FBXL4: variants seen among roughly 807,000 people sequenced by gnomAD.
FBXL4 encodes F-box and leucine rich repeat protein 4, also known as F-box/LRR-repeat protein 4.
A neutral mutation model predicts 58.9 loss-of-function variants in FBXL4; 40 were observed. The ratio of observed to expected loss-of-function variants is 0.68; its 90% CI spans 0.53 to 0.88. The LOEUF is 0.88. Ranked by LOEUF, FBXL4 falls within the 40% of genes least tolerant of loss-of-function variation. The pLI, the probability that FBXL4 is intolerant of heterozygous loss-of-function variation, is 0.00. For missense variants in FBXL4, 676 were observed against 734.4 expected (o/e 0.92, Z 0.92); for synonymous variants, 263 against 265.5 (o/e 0.99, Z 0.09).
intron 2 of FBXL4, among the ~76,000 whole-genome samples, chr6:98,928,645 T>C (rs1448397943): frequency 2.6e-5 from 4 of 152,154 alleles, no homozygotes; most frequent in Non-Finnish European, 5.9e-5. Flanking sequence ...TTTTCTTTAA[T>C]AGAGCAATGC....
intron 5 of FBXL4, among the ~76,000 whole-genome samples, chr6:98,913,790 G>A (rs1438969261): frequency 6.6e-6 from 1 of 152,112 alleles, no homozygotes; most frequent in Non-Finnish European, 1.5e-5. Context: ...TCAAAAGATA[G>A]CAGAAGGCAA....
intron 5 of FBXL4, among the ~76,000 whole-genome samples, chr6:98,913,523 G>A (rs1298770505): frequency 7.2e-5 from 11 of 152,098 alleles, no homozygotes; most frequent in East Asian, 1.9e-4. Context: ...ACTCAAAACC[G>A]CTCAACTACA....
intron 1 of FBXL4, among the ~76,000 whole-genome samples, chr6:98,935,987 T>C (rs1461965885): frequency 6.6e-6 from 1 of 152,194 alleles, no homozygotes; most frequent in African/African-American, 2.4e-5. Context: ...ATACTAATTA[T>C]GTGAATTTAC....
At chr6:98,911,964 T>A (rs1772095718) in intron 5 of FBXL4, among the ~76,000 whole-genome samples, 1 of 151,848 alleles carries the variant, frequency 6.6e-6, no homozygotes. Context: ...GAATAACCAA[T>A]ACAGAGAAGT....
chr6:98,944,960 C>A (rs1773567322), intron 1 of FBXL4, among the ~76,000 whole-genome samples: 1 of 152,114 alleles, frequency 6.6e-6, no homozygotes. Context: ...TATTTTCTGC[C>A]AGTTTCCATG....
At chr6:98,910,964 C>T (rs1186112528) in intron 5 of FBXL4, among the ~76,000 whole-genome samples, 1 of 152,166 alleles carries the variant, frequency 6.6e-6, no homozygotes, top group Non-Finnish European at 1.5e-5. Flanking sequence ...AAAATCGGGC[C>T]ACTCCCACCC....
At chr6:98,939,070 T>A (rs1773330564) in intron 1 of FBXL4, among the ~76,000 whole-genome samples, 1 of 107,300 alleles carries the variant, frequency 9.3e-6, no homozygotes, top group Non-Finnish European at 1.7e-5. Flanking sequence ...AGCAAGACCT[T>A]GTCTCAAAAA....
chr6:98,875,959 G>A (rs1307019469), intron 8 of FBXL4, among the ~76,000 whole-genome samples: 1 of 152,184 alleles, frequency 6.6e-6, no homozygotes, highest in East Asian at 1.9e-4. Flanking sequence ...GACAGAAGAT[G>A]TTAATGAATT....
intron 5 of FBXL4, among the ~76,000 whole-genome samples, chr6:98,909,594 T>C (rs1341431215): frequency 6.6e-6 from 1 of 152,192 alleles, no homozygotes; most frequent in African/African-American, 2.4e-5. Flanking sequence ...TGAAATTATA[T>C]TTCTATTTTA....
chr6:98,895,599 G>C (rs1027847105), intron 7 of FBXL4, among the ~76,000 whole-genome samples: 2 of 152,134 alleles, frequency 1.3e-5, no homozygotes, highest in African/African-American at 4.8e-5. Context: ...TGTGCCAGCA[G>C]GCAATTTATT....
At chr6:98,876,337 AT>A (rs1348781656) in intron 8 of FBXL4, among the ~76,000 whole-genome samples, 3 of 152,206 alleles carry the variant, frequency 2.0e-5, no homozygotes, top group Non-Finnish European at 2.9e-5. Flanking sequence ...GACTCTACTA[AT>A]CAAGGATTAA....
chr6:98,928,900 C>G (rs1772894969), intron 2 of FBXL4, among the ~76,000 whole-genome samples: 1 of 152,140 alleles, frequency 6.6e-6, no homozygotes, highest in Admixed American at 6.5e-5. Flanking sequence ...CATTTCTTTT[C>G]CAACCACTTT....
At position 98,915,257 on chromosome 6, in the gene FBXL4, T is replaced by C. The variant is rs1209114475; in HGVS notation, c.858+2117A>G. Among the ~76,000 whole-genome samples, 49 of 152,186 alleles carry C rather than the reference T, an allele frequency of 3.2e-4. No individual in the cohort carries two copies. In the South Asian group the frequency reaches 4.2e-3, roughly 13 times the overall value. ...TGGCCATACTGCCCAAGGTAATTTA[T>C]AGATTCAATGCCATCCCCATCAAGC... On this transcript the variant is annotated intron_variant, in intron 5 of 9. Coordinates refer to ENST00000369244, the MANE Select transcript of FBXL4 (RefSeq NM_001278716.2).
chr6:98,893,091 AT>A lies in FBXL4; in HGVS notation c.1317+6176del, dbSNP rs544063372. On this transcript the variant is annotated intron_variant, in intron 7 of 9. Transcript: ENST00000369244. The stretch of plus-strand genomic sequence containing the variant: ...GCCCCACTTTCACCCCTGACTCCAG[AT>A]TTTTTTTTTCCCCAAACAGAGAAAA... 1.9e-3 allele frequency among the ~76,000 whole-genome samples: 279 copies of A among 150,484 alleles called. 1 individual carries two copies. Among genetic ancestry groups the A allele is most frequent in the Non-Finnish European group, 2.7e-3 (179 of 67,466 alleles).
At chr6:98,874,993 A>G (rs1270850884) in intron 9 of FBXL4, among the ~76,000 whole-genome samples, 2 of 152,240 alleles carry the variant, frequency 1.3e-5, no homozygotes, top group Non-Finnish European at 2.9e-5. Context: ...CCTAAACGCT[A>G]GAATTATCAG....
chr6:98,898,745 G>T (rs889049809), intron 7 of FBXL4: 2 of 984,926 alleles, frequency 2.0e-6, no homozygotes, highest in Non-Finnish European at 2.4e-6. Context: ...TACAGTAAAA[G>T]AGTTAGATAA....
chr6:98,874,035 T>C lies in FBXL4; in HGVS notation c.*243A>G, dbSNP rs1770566085. 2 of 325,594 alleles carry C rather than the reference T, an allele frequency of 6.1e-6. No individual in the cohort carries two copies. Among genetic ancestry groups the C allele is most frequent in the Non-Finnish European group, 1.1e-5 (2 of 181,672 alleles). 20.2% of individuals were successfully genotyped at this position (325,594 alleles called of 1,614,324 possible). A position where few individuals can be genotyped will look rare whatever the true frequency, so the allele number is the denominator to read the frequency against. On this transcript the variant is annotated 3_prime_UTR_variant, in exon 10 of 10. Transcript: ENST00000369244. ...CAATCATATTATTGACTAAAGCATATCACTGATTAACATAAGGTAAAAATA... is the reference window on the plus strand; with the variant it reads ...CAATCATATTATTGACTAAAGCATACCACTGATTAACATAAGGTAAAAATA...
At chr6:98,919,301 G>T (rs534621244) in intron 4 of FBXL4, among the ~76,000 whole-genome samples, 7 of 152,222 alleles carry the variant, frequency 4.6e-5, no homozygotes, top group African/African-American at 1.7e-4. Context: ...TAGCAGTAGG[G>T]ACTTTTATTA....
At chr6:98,905,728 AACAT>A (rs1771786018) in intron 5 of FBXL4, 58 bp from the exon 6 acceptor site, 1 of 1,520,860 alleles carries the variant, frequency 6.6e-7, no homozygotes, top group South Asian at 1.2e-5. Flanking sequence ...CATTCTATGA[AACAT>A]ATAACATAAT....
Sources: gnomAD v4.1 joint callset for allele counts (sites outside exome capture counted in the v4.1 genomes callset) on GRCh38, gnomAD v4.1.1 for gene constraint, MANE v1.5 for transcripts, NCBI Gene and HGNC (gene_info 2026-07-23, HGNC 2026-07-21) for gene names.